PLP1: variants seen among roughly 807,000 people sequenced by gnomAD.
PLP1 encodes the protein proteolipid protein 1, also known as myelin proteolipid protein.
Under a neutral mutation model 18.5 loss-of-function variants are expected in PLP1, and 2 were observed. The observed-to-expected ratio is 0.11, with a 90% CI of 0.04 to 0.34. The LOEUF (loss-of-function observed/expected upper bound fraction) is 0.34, where lower values mean the gene tolerates loss of function less well. Ranked by LOEUF, PLP1 falls within the 10% of genes least tolerant of loss-of-function variation. The probability of loss-of-function intolerance (pLI) is 1.00; values close to 1 mark genes in which losing one functional copy is unlikely to be tolerated. For synonymous variants in PLP1, 86 were observed against 83.2 expected (o/e 1.03, Z -0.19); for missense variants, 105 against 207.3 (o/e 0.51, Z 3.03).
At chrX:103,787,454 G>A (rs2098594948) in intron 3 of PLP1, 2 of 313,607 alleles carry the variant, frequency 6.4e-6, no homozygotes, top group East Asian at 6.5e-5. Context: ...CATGTTCTAA[G>A]CTCAGCCTAA....
Position 103,790,445 on chromosome X carries a change from C to T in PLP1, c.763-82C>T, listed in dbSNP as rs181738431. 4 of 695,032 alleles carry T rather than the reference C, an allele frequency of 5.8e-6. No individual in the cohort carries two copies. The African/African-American group carries it at 6.4e-5, about 11-fold the overall frequency. The allele number at this position is 695,032 out of a possible 1,213,427, so 57.3% of individuals were successfully genotyped here. A position where few individuals can be genotyped will look rare whatever the true frequency, so the allele number is the denominator to read the frequency against. Reference sequence around the variant, plus strand: ...TATTTAGTTATGATTTTATTTCTACCCTTCCTCATTCCCAAAGGGATTTGA... The same window carrying T: ...TATTTAGTTATGATTTTATTTCTACTCTTCCTCATTCCCAAAGGGATTTGA... On this transcript the variant is annotated intron_variant, in intron 6 of 6. Transcript: ENST00000621218.
chrX:103,781,163 T>G (rs755105182), intron 1 of PLP1: 107 of 242,361 alleles, frequency 4.4e-4, no homozygotes, highest in South Asian at 1.1e-3. Flanking sequence ...AGTTCCCAGA[T>G]TCACACTGAA....
upstream of PLP1, chrX:103,776,838 C>T: frequency 3.7e-6 from 2 of 543,197 alleles, no homozygotes; most frequent in Non-Finnish European, 6.2e-6. Context: ...AATCAGAAAG[C>T]CCTTTTCATT....
chrX:103,782,766 C>T (rs771189523), intron 1 of PLP1, among the ~76,000 whole-genome samples: 2 of 98,287 alleles, frequency 2.0e-5, no homozygotes, highest in South Asian at 1.0e-3. Context: ...ACAAACAGTC[C>T]TGCCATTGTT....
chrX:103,790,446 C>T, intron 6 of PLP1, 81 bp from the exon 7 acceptor site: 2 of 703,914 alleles, frequency 2.8e-6, no homozygotes, highest in Non-Finnish European at 4.6e-6. Flanking sequence ...TATTTCTACC[C>T]TTCCTCATTC....
At chrX:103,787,991 G>A in intron 4 of PLP1, 25 bp downstream of exon 4, 11 of 1,151,040 alleles carry the variant, frequency 9.6e-6, no homozygotes, top group Non-Finnish European at 1.3e-5. Context: ...GGGTGCTTTG[G>A]CTCTCCTACC....
chrX:103,788,453 T>C lies in PLP1; in HGVS notation c.639T>C (p.Asn213=). The change falls in exon 5 of 7, where the codon AAT becomes AAC. Residue 213 remains asparagine (N), a synonymous_variant. Coordinates refer to ENST00000621218, the MANE Select transcript of PLP1 (RefSeq NM_000533.5). ...CTTACTTAGGTGTTCTCCCATGGAA[T>C]GCTTTCCCTGGCAAGGTTTGTGGCT... The part of the protein sequence containing the change: ...DARMYGVLPW[N]AFPGKVCGSN... The C allele has an allele frequency of 1.7e-6, 2 of 1,208,323 alleles. No homozygotes were observed. The highest frequency in any genetic ancestry group is 3.5e-5 in the South Asian group (2 of 56,948).
At chrX:103,779,483 A>G (rs1185309657) in intron 1 of PLP1, among the ~76,000 whole-genome samples, 1 of 112,141 alleles carries the variant, frequency 8.9e-6, no homozygotes, top group Admixed American at 9.5e-5. Context: ...AGCCAAAAAT[A>G]AACCAGATCC....
At chrX:103,788,709 T>C (rs573887184) in intron 5 of PLP1, 199 bp downstream of exon 5, 5 of 450,768 alleles carry the variant, frequency 1.1e-5, no homozygotes, top group South Asian at 9.8e-5. Flanking sequence ...TAGAGTTGCA[T>C]AGAAAGACTT....
At chrX:103,786,987 C>T (rs1039211619) in intron 3 of PLP1, 10 of 407,220 alleles carry the variant, frequency 2.5e-5, no homozygotes, top group Middle Eastern at 1.4e-3. Flanking sequence ...TACAATCAGA[C>T]CATTTCTAAG....
At chrX:103,786,065 T>C in intron 2 of PLP1, 1 of 1,045,061 alleles carries the variant, frequency 9.6e-7, no homozygotes, top group South Asian at 2.3e-5. Context: ...TCCAGCGTAG[T>C]AGGTATGGAG....
At chrX:103,777,077 G>A (rs964796594) in intron 1 of PLP1, 78 bp downstream of exon 1, 76 of 876,117 alleles carry the variant, frequency 8.7e-5, no homozygotes, top group African/African-American at 8.3e-4. Flanking sequence ...TTTGGGGTTC[G>A]GGGGTTCCAT....
chrX:103,785,018 T>TTAGCA (rs1028348542), intron 1 of PLP1, among the ~76,000 whole-genome samples: 27 of 112,352 alleles, frequency 2.4e-4, no homozygotes, highest in African/African-American at 8.1e-4. Context: ...GAATTATTAT[T>TTAGCA]ATTTATTAAA....
At chrX:103,786,806 A>G in intron 3 of PLP1, 80 bp downstream of exon 3, 3 of 1,038,363 alleles carry the variant, frequency 2.9e-6, no homozygotes, top group East Asian at 3.0e-5. Context: ...GTCCCCACCC[A>G]AGGCTGGGTC....
intron 1 of PLP1, among the ~76,000 whole-genome samples, chrX:103,785,214 G>A (rs1169987635): frequency 9.0e-6 from 1 of 110,902 alleles, no homozygotes; most frequent in East Asian, 2.8e-4. Flanking sequence ...GAGTAGCTGG[G>A]ATTACAGGCA....
In PLP1 at chrX:103,787,721, T is replaced by A. The variant is rs750265686; in HGVS notation, c.454-77T>A. The A allele has an allele frequency of 3.4e-6, 3 of 887,178 alleles. No homozygotes were observed. In the Admixed American group the frequency reaches 6.6e-5, roughly 20 times the overall value. 73.1% of individuals were successfully genotyped at this position (887,178 alleles called of 1,213,427 possible). Reference sequence around the variant, plus strand: ...GGTTTTAATGTCTGGCACACGCCACTCCAGGATCTCCCAGTTTGTGTTTCT... The same window carrying A: ...GGTTTTAATGTCTGGCACACGCCACACCAGGATCTCCCAGTTTGTGTTTCT... On this transcript the variant is annotated intron_variant, in intron 3 of 6. Coordinates refer to ENST00000621218, the MANE Select transcript of PLP1 (RefSeq NM_000533.5).
At chrX:103,783,339 C>T (rs188707059) in intron 1 of PLP1, among the ~76,000 whole-genome samples, 77 of 112,701 alleles carry the variant, frequency 6.8e-4, no homozygotes, top group African/African-American at 2.4e-3. Flanking sequence ...CCACTCACAG[C>T]AGCACAGCTA....
rs889906270 is a variant in PLP1, at chrX:103,791,289, G to A, written c.*691G>A. 2 of 99,706 alleles carry A rather than the reference G, an allele frequency of 2.0e-5. No individual in the cohort carries two copies. Among genetic ancestry groups the A allele is most frequent in the Admixed American group, 1.0e-4 (1 of 9,567 alleles). 8.2% of individuals were successfully genotyped at this position (99,706 alleles called of 1,213,427 possible). On this transcript the variant is annotated 3_prime_UTR_variant, in exon 7 of 7. Transcript: ENST00000621218. ...AGCGTAGAATCTGTGTAGACGAAGG[G>A]GGCATCTGGCCTTACACCTCGTTAG... is the stretch of plus-strand genomic sequence containing the variant.
At chrX:103,786,930 C>T (rs976329492) in intron 3 of PLP1, 2 of 449,617 alleles carry the variant, frequency 4.4e-6, no homozygotes, top group Non-Finnish European at 7.8e-6. Context: ...GTTCCCTAAG[C>T]AAATTTCTTC....
Sources: gnomAD v4.1 joint callset for allele counts (sites outside exome capture counted in the v4.1 genomes callset) on GRCh38, gnomAD v4.1.1 for gene constraint, MANE v1.5 for transcripts, NCBI Gene and HGNC (gene_info 2026-07-23, HGNC 2026-07-21) for gene names.